The following DOCK5 variants were observed in gnomAD, a reference collection of about 807,000 sequenced individuals.
The protein encoded by DOCK5 is dedicator of cytokinesis protein 5.
In DOCK5, 142 loss-of-function variants were observed where a neutral mutation model predicts 251.8. The observed-to-expected ratio is 0.56, with a 90% confidence interval of 0.49 to 0.65. The LOEUF is 0.65. DOCK5 is among the 30% of genes least tolerant of loss of function. The probability of loss-of-function intolerance (pLI) is 0.00; values close to 1 mark genes in which losing one functional copy is unlikely to be tolerated. For synonymous variants in DOCK5, 842 were observed against 835.5 expected (o/e 1.01, Z -0.13); for missense variants, 2,111 against 2,312.3 (o/e 0.91, Z 1.79).
chr8:25,392,890 A>C lies in DOCK5; in HGVS notation c.4527+8A>C. On this transcript the variant is annotated splice_region_variant and intron_variant, in intron 44 of 51. Transcript: ENST00000276440. ...GTCAAACAGATTTCAACAGTGAGTC[A>C]TTTGAAATTGGCATTTAGAAAAAAA... The C allele has an allele frequency of 1.2e-6, 2 of 1,604,774 alleles. No homozygotes were observed. The highest frequency in any genetic ancestry group is 8.5e-7 in the Non-Finnish European group (1 of 1,174,264).
intron 2 of DOCK5, 34 bp from the exon 3 acceptor site, chr8:25,268,811 A>G (rs1803831503): frequency 6.5e-7 from 1 of 1,547,928 alleles, no homozygotes; most frequent in Non-Finnish European, 8.7e-7. Context: ...CCCAGAAAAC[A>G]TAAAATATTT....
chr8:25,362,932 A>C lies in DOCK5; in HGVS notation c.2950-115A>C, dbSNP rs980732100. 1.5e-5 allele frequency: 11 copies of C among 728,716 alleles called. No individual in the cohort carries two copies. In the Admixed American group the frequency reaches 2.4e-4, roughly 16 times the overall value. The allele number at this position is 728,716 out of a possible 1,614,324, so 45.1% of individuals were successfully genotyped here. A position where few individuals can be genotyped will look rare whatever the true frequency, so the allele number is the denominator to read the frequency against. On this transcript the variant is annotated intron_variant, in intron 28 of 51. Coordinates refer to ENST00000276440, the MANE Select transcript of DOCK5 (RefSeq NM_024940.8). ...TAAAACCCTTGAAAGATGGGCTGTT[A>C]CTGTGGGGCTAGGAACATCCTGTTC...
chr8:25,377,255 G>A (rs762872426), intron 37 of DOCK5, 50 bp from the exon 38 acceptor site: 1 of 1,557,256 alleles, frequency 6.4e-7, no homozygotes, highest in Non-Finnish European at 8.7e-7. Context: ...TGATGTTGGG[G>A]GGCTGAATAT....
intron 42 of DOCK5, among the ~76,000 whole-genome samples, 173 bp from the exon 43 acceptor site, chr8:25,391,719 GAAAT>G (rs1801262561): frequency 1.3e-5 from 2 of 152,186 alleles, no homozygotes. Flanking sequence ...AGTAAGGTGT[GAAAT>G]AAAATCAAAT....
intron 41 of DOCK5, among the ~76,000 whole-genome samples, chr8:25,389,559 G>A (rs1031681303): frequency 1.3e-5 from 2 of 152,170 alleles, no homozygotes; most frequent in Non-Finnish European, 1.5e-5. Flanking sequence ...TCTCTGTCCT[G>A]GTGGGTTGGG....
chr8:25,370,732 T>C (rs1800858651), intron 34 of DOCK5, among the ~76,000 whole-genome samples: 2 of 152,054 alleles, frequency 1.3e-5, no homozygotes, highest in African/African-American at 4.8e-5. Context: ...GTCTCGAAAT[T>C]TTGCTTTAAG....
intron 2 of DOCK5, among the ~76,000 whole-genome samples, chr8:25,267,146 G>A (rs1227366169): frequency 1.3e-5 from 2 of 152,098 alleles, no homozygotes; most frequent in African/African-American, 4.8e-5. Context: ...TATACAGATG[G>A]GTACAGACCT....
intron 6 of DOCK5, among the ~76,000 whole-genome samples, chr8:25,293,410 CT>C (rs1563341065): frequency 6.6e-6 from 1 of 152,172 alleles, no homozygotes; most frequent in Non-Finnish European, 1.5e-5. Context: ...GAAACACCTT[CT>C]ATGTACATTT....
At chr8:25,367,420 T>C (rs1324937447) in intron 31 of DOCK5, among the ~76,000 whole-genome samples, 1 of 152,200 alleles carries the variant, frequency 6.6e-6, no homozygotes, top group Non-Finnish European at 1.5e-5. Flanking sequence ...TGGTTTGGAA[T>C]TCAAAATGGA....
In DOCK5 at chr8:25,239,063, G is replaced by A. The variant is rs535077133; in HGVS notation, c.44-4611G>A. Reference sequence around the variant, plus strand: ...GGTAATCGGGAGCTAGTAGCCATTTGTTGAATTGCATTGTGGATGTGAGAT... The same window carrying A: ...GGTAATCGGGAGCTAGTAGCCATTTATTGAATTGCATTGTGGATGTGAGAT... On this transcript the variant is annotated intron_variant, in intron 1 of 51. Transcript: ENST00000276440. Among the ~76,000 whole-genome samples the A allele has an allele frequency of 9.2e-5, 14 of 152,300 alleles. No homozygotes were observed. In the South Asian group the frequency reaches 2.9e-3, roughly 32 times the overall value.
At position 25,412,300 on chromosome 8, in the gene DOCK5, A is replaced by G. The variant is rs550659812; in HGVS notation, c.*1002A>G. The G allele has an allele frequency of 6.6e-6, 1 of 152,240 alleles. No homozygotes were observed. The highest frequency in any genetic ancestry group is 2.4e-5 in the African/African-American group (1 of 41,534). The allele number at this position is 152,240 out of a possible 1,614,324, so 9.4% of individuals were successfully genotyped here. On this transcript the variant is annotated 3_prime_UTR_variant, in exon 52 of 52. Transcript: ENST00000276440. ...TGTGGAATTAATTTGATTGCTTGCT[A>G]ATGGTACTAGTAGTACTCCTTTCAG...
intron 18 of DOCK5, among the ~76,000 whole-genome samples, chr8:25,331,797 TATATAGAGAG>T (rs1272951599): frequency 1.4e-3 from 55 of 40,072 alleles, no homozygotes; most frequent in East Asian, 9.3e-3. Flanking sequence ...TATATATATA[TATATAGAGAG>T]AGAGAGAGAG....
chr8:25,209,462 C>T (rs1474934350), intron 1 of DOCK5, among the ~76,000 whole-genome samples: 1 of 70,834 alleles, frequency 1.4e-5, no homozygotes, highest in East Asian at 3.2e-4. Flanking sequence ...CACTAACCAG[C>T]TATTTGACCT....
rs1805744475 is a variant in DOCK5 at position 25,334,110 on chromosome 8, A to G, written c.2106A>G (p.Ser702=). 6.2e-7 allele frequency: 1 copy of G among 1,613,442 alleles called. No individual in the cohort carries two copies. The highest frequency in any genetic ancestry group is 1.3e-5 in the African/African-American group (1 of 74,876). The change falls in exon 21 of 52, where the codon TCA becomes TCG. Residue 702 remains serine (S), a synonymous_variant. Coordinates refer to ENST00000276440, the MANE Select transcript of DOCK5 (RefSeq NM_024940.8). ...ACTTTTGGCAGGTATTTATTATTTCACTGATAGGAGACATCAAGTTCCAGC... is the reference window on the plus strand; with the variant it reads ...ACTTTTGGCAGGTATTTATTATTTCGCTGATAGGAGACATCAAGTTCCAGC... ...LVFDALVFII[S]LIGDIKFQHF...
chr8:25,341,082 G>A, intron 23 of DOCK5, 94 bp downstream of exon 23: 1 of 827,460 alleles, frequency 1.2e-6, no homozygotes, highest in South Asian at 1.6e-5. Context: ...GAGAAACAAA[G>A]TGAATCATGG....
At chr8:25,202,916 G>T (rs756889725) in intron 1 of DOCK5, among the ~76,000 whole-genome samples, 3 of 152,182 alleles carry the variant, frequency 2.0e-5, no homozygotes, top group African/African-American at 4.8e-5. Context: ...TTTGGACCTT[G>T]AGTACCTGAA....
intron 5 of DOCK5, among the ~76,000 whole-genome samples, chr8:25,285,074 T>A (rs1453991524): frequency 1.3e-5 from 2 of 152,216 alleles, no homozygotes; most frequent in Non-Finnish European, 2.9e-5. Flanking sequence ...CTACTCCTTA[T>A]GGAAAAGAGA....
intron 44 of DOCK5, among the ~76,000 whole-genome samples, chr8:25,394,553 CT>C (rs35670772): frequency 0.53 from 80,856 of 151,710 alleles, 23,398 homozygotes; most frequent in East Asian, 0.63. Flanking sequence ...TCACTTACCT[CT>C]TTTCATGGAG....
intron 1 of DOCK5, among the ~76,000 whole-genome samples, chr8:25,192,712 G>C (rs569262022): frequency 4.6e-5 from 7 of 152,252 alleles, no homozygotes; most frequent in African/African-American, 1.7e-4. Context: ...GGGTTTCACT[G>C]TGTTTCCCAG....
Sources: allele counts gnomAD v4.1 joint callset (sites outside exome capture counted in the v4.1 genomes callset), GRCh38; gene constraint gnomAD v4.1.1; transcripts MANE v1.5; gene names NCBI Gene and HGNC (gene_info 2026-07-23, HGNC 2026-07-21).